The following MCTP1 variants were observed in gnomAD, a reference collection of about 807,000 sequenced individuals.
MCTP1 encodes multiple C2 and transmembrane domain containing 1, also known as multiple C2 and transmembrane domain-containing protein 1.
MCTP1 carries 69 observed loss-of-function variants against 120.6 expected under a neutral mutation model. The observed-to-expected ratio is 0.57, with a 90% CI of 0.47 to 0.70. The LOEUF (loss-of-function observed/expected upper bound fraction) is 0.70, where lower values mean the gene tolerates loss of function less well. MCTP1 is among the 30% of genes least tolerant of loss of function. MCTP1 has a pLI of 0.00. For synonymous variants in MCTP1, 529 were observed against 493.1 expected, an observed-to-expected ratio of 1.07 and a Z score of -0.96; for missense variants, 1,203 against 1,248.8, an observed-to-expected ratio of 0.96 and a Z score of 0.55.
intron 19 of MCTP1, among the ~76,000 whole-genome samples, chr5:94,717,869 G>A (rs568884102): frequency 4.6e-5 from 7 of 152,144 alleles, no homozygotes; most frequent in African/African-American, 7.2e-5. Flanking sequence ...GGAAATCAGC[G>A]AGGACACAAA....
At position 95,010,029 on chromosome 5, in the gene MCTP1, G is replaced by T. The variant is rs1464482826; in HGVS notation, c.838+7338C>A. 2.0e-5 allele frequency among the ~76,000 whole-genome samples: 3 copies of T among 152,146 alleles called. No individual in the cohort carries two copies. In the East Asian group the frequency reaches 5.8e-4, roughly 29 times the overall value. On this transcript the variant is annotated intron_variant, in intron 2 of 22. Coordinates refer to ENST00000515393, the MANE Select transcript of MCTP1 (RefSeq NM_024717.7). Reference sequence around the variant, plus strand: ...ATTAGTTTTTCCCTTCCACTGTTCTGTGCAAGGGTGATATGAGACATAGGG... The same window carrying T: ...ATTAGTTTTTCCCTTCCACTGTTCTTTGCAAGGGTGATATGAGACATAGGG...
chr5:95,011,518 G>A (rs538559008), intron 2 of MCTP1, among the ~76,000 whole-genome samples: 80 of 152,148 alleles, frequency 5.3e-4, no homozygotes, highest in Non-Finnish European at 8.8e-4. Flanking sequence ...GAGGTGACTC[G>A]ATCACGGGGG....
rs1760533845 is a variant in MCTP1, at chr5:95,283,892, C to CCGAGACTCCG, written c.674_683dup (p.Ala229GlyfsTer25). On this transcript the variant is annotated frameshift_variant, in exon 1 of 23. Coordinates refer to ENST00000515393, the MANE Select transcript of MCTP1 (RefSeq NM_024717.7). LOFTEE classifies it high-confidence loss of function. The stretch of plus-strand genomic sequence containing the variant: ...CGTGCTCCTCGCCCGTCTCCGGGGC[C>CCGAGACTCCG]CGAGACTCCGCGGGACTCCGCGCCG... The CCGAGACTCCG allele has an allele frequency of 2.9e-6, 4 of 1,384,812 alleles. No homozygotes were observed. Among genetic ancestry groups the CCGAGACTCCG allele is most frequent in the South Asian group, 1.7e-5 (1 of 60,158 alleles). 85.8% of individuals were successfully genotyped at this position (1,384,812 alleles called of 1,614,324 possible). A position where few individuals can be genotyped will look rare whatever the true frequency, so the allele number is the denominator to read the frequency against.
intron 17 of MCTP1, among the ~76,000 whole-genome samples, chr5:94,847,577 A>C (rs2153221605): frequency 6.6e-6 from 1 of 151,918 alleles, no homozygotes; most frequent in African/African-American, 2.4e-5. Flanking sequence ...TCTCCCACAC[A>C]AAAGAAGGGA....
chr5:95,138,634 AC>A (rs1239589478), intron 1 of MCTP1, among the ~76,000 whole-genome samples: 4 of 151,508 alleles, frequency 2.6e-5, no homozygotes, highest in Admixed American at 2.0e-4. Flanking sequence ...CAAAGGAATG[AC>A]CCCCTCACAG....
chr5:94,901,837 G>A (rs1251844940), intron 10 of MCTP1, among the ~76,000 whole-genome samples: 7 of 152,120 alleles, frequency 4.6e-5, no homozygotes, highest in Admixed American at 6.6e-5. Flanking sequence ...GGGTGTGTTC[G>A]TATGAGTCCC....
At chr5:95,277,386 TG>T (rs1463693336) in intron 1 of MCTP1, among the ~76,000 whole-genome samples, 6 of 152,140 alleles carry the variant, frequency 3.9e-5, no homozygotes, top group Non-Finnish European at 5.9e-5. Flanking sequence ...TACCAGCTGG[TG>T]GAAGAGGGGA....
chr5:95,145,017 C>A (rs2152447179), intron 1 of MCTP1, among the ~76,000 whole-genome samples: 1 of 152,116 alleles, frequency 6.6e-6, no homozygotes, highest in African/African-American at 2.4e-5. Flanking sequence ...GATATTGATT[C>A]TTCTAATCCA....
intron 1 of MCTP1, among the ~76,000 whole-genome samples, chr5:95,119,636 G>A (rs765821156): frequency 2.0e-5 from 3 of 151,940 alleles, no homozygotes; most frequent in Non-Finnish European, 4.4e-5. Context: ...TAGCCAGGCT[G>A]AGGAAAAAAA....
chr5:94,775,036 AG>A lies in MCTP1; in HGVS notation c.2610+4073del, dbSNP rs1774991936. Among the ~76,000 whole-genome samples, 4 of 152,220 alleles carry A rather than the reference AG, an allele frequency of 2.6e-5. No individual in the cohort carries two copies. In the South Asian group the frequency reaches 8.3e-4, roughly 32 times the overall value. On this transcript the variant is annotated intron_variant, in intron 19 of 22. Transcript: ENST00000515393. ...GCTGGAGAATCAAACCAGAAAACACAGATTTCAAGAATTAAAGCAAAGAATC... is the reference window on the plus strand; with the variant it reads ...GCTGGAGAATCAAACCAGAAAACACAATTTCAAGAATTAAAGCAAAGAATC...
At chr5:95,102,768 T>C (rs1263698001) in intron 1 of MCTP1, among the ~76,000 whole-genome samples, 1 of 152,104 alleles carries the variant, frequency 6.6e-6, no homozygotes, top group Non-Finnish European at 1.5e-5. Context: ...GGAAGCCCCT[T>C]AAGGAGGTGA....
chr5:95,098,184 A>G (rs1756418113), intron 1 of MCTP1, among the ~76,000 whole-genome samples: 1 of 152,180 alleles, frequency 6.6e-6, no homozygotes, highest in Admixed American at 6.5e-5. Flanking sequence ...ACTGAACCAT[A>G]TTTACACATA....
chr5:95,212,764 A>G (rs1752546204), intron 1 of MCTP1, among the ~76,000 whole-genome samples: 1 of 152,114 alleles, frequency 6.6e-6, no homozygotes, highest in Middle Eastern at 3.2e-3. Flanking sequence ...GACAAAAACC[A>G]CATGATTATC....
intron 1 of MCTP1, among the ~76,000 whole-genome samples, chr5:95,022,185 T>G (rs1449908639): frequency 1.3e-5 from 2 of 152,196 alleles, no homozygotes; most frequent in African/African-American, 2.4e-5. Context: ...CCATGATATA[T>G]TAGGTTGGTG....
intron 1 of MCTP1, among the ~76,000 whole-genome samples, chr5:95,180,416 T>C (rs765226536): frequency 5.3e-5 from 8 of 152,242 alleles, no homozygotes; most frequent in Non-Finnish European, 8.8e-5. Flanking sequence ...AATGGTTAAT[T>C]AGTCCACACT....
intron 19 of MCTP1, among the ~76,000 whole-genome samples, chr5:94,775,649 G>A (rs1408232160): frequency 6.6e-6 from 1 of 152,114 alleles, no homozygotes; most frequent in Non-Finnish European, 1.5e-5. Flanking sequence ...CAGGAAAAAT[G>A]TCATCTCCAG....
At chr5:94,911,784 T>C (rs1398570709) in intron 9 of MCTP1, among the ~76,000 whole-genome samples, 3 of 152,178 alleles carry the variant, frequency 2.0e-5, no homozygotes, top group African/African-American at 7.2e-5. Flanking sequence ...ACTAATATTA[T>C]TGTTTAATAC....
At chr5:95,158,711 A>G (rs1373099411) in intron 1 of MCTP1, among the ~76,000 whole-genome samples, 1 of 151,674 alleles carries the variant, frequency 6.6e-6, no homozygotes, top group African/African-American at 2.4e-5. Context: ...GGATCACTTG[A>G]CCTCACAAGT....
chr5:95,188,325 G>A (rs1045410100), intron 1 of MCTP1, among the ~76,000 whole-genome samples: 1 of 152,178 alleles, frequency 6.6e-6, no homozygotes, highest in African/African-American at 2.4e-5. Flanking sequence ...AAACGGTACC[G>A]TTATTCTGGA....
Sources: allele counts gnomAD v4.1 joint callset (sites outside exome capture counted in the v4.1 genomes callset), GRCh38; gene constraint gnomAD v4.1.1; transcripts MANE v1.5; gene names NCBI Gene and HGNC (gene_info 2026-07-23, HGNC 2026-07-21).